The following COP1 variants were observed in gnomAD, a reference collection of about 807,000 sequenced individuals.
COP1 encodes the protein COP1 E3 ubiquitin ligase.
COP1 carries 24 observed loss-of-function variants against 101.3 expected under a neutral mutation model. The ratio of observed to expected loss-of-function variants is 0.24; its 90% CI spans 0.17 to 0.33. The LOEUF (loss-of-function observed/expected upper bound fraction) is 0.33, where lower values mean the gene tolerates loss of function less well. Ranked by LOEUF, COP1 falls within the 10% of genes least tolerant of loss-of-function variation. The probability of loss-of-function intolerance (pLI) is 1.00; values close to 1 mark genes in which losing one functional copy is unlikely to be tolerated. For missense variants in COP1, 663 were observed against 906.2 expected (o/e 0.73, Z 3.45); for synonymous variants, 347 against 341.9 (o/e 1.01, Z -0.17).
intron 8 of COP1, among the ~76,000 whole-genome samples, chr1:176,118,135 CT>C (rs1411298141): frequency 6.6e-6 from 1 of 152,142 alleles, no homozygotes; most frequent in Non-Finnish European, 1.5e-5. Flanking sequence ...AGTGATTAAT[CT>C]TATTTGAGCT....
At chr1:176,158,545 A>G (rs1237524691) in intron 5 of COP1, among the ~76,000 whole-genome samples, 1 of 152,052 alleles carries the variant, frequency 6.6e-6, no homozygotes, top group Admixed American at 6.6e-5. Context: ...TGTGGAATAT[A>G]TAACACATTT....
intron 8 of COP1, among the ~76,000 whole-genome samples, chr1:176,132,606 G>A (rs767295340): frequency 6.6e-4 from 78 of 119,072 alleles, no homozygotes; most frequent in Non-Finnish European, 1.2e-3. Context: ...ACATATGTAC[G>A]TATATATACT....
At chr1:176,152,362 G>T (rs1414389527) in intron 5 of COP1, among the ~76,000 whole-genome samples, 2 of 152,114 alleles carry the variant, frequency 1.3e-5, no homozygotes, top group Non-Finnish European at 2.9e-5. Flanking sequence ...CAGGGACTGG[G>T]AGTAATGGAA....
chr1:176,158,965 G>T (rs1432095641), intron 5 of COP1, among the ~76,000 whole-genome samples: 2 of 152,022 alleles, frequency 1.3e-5, no homozygotes, highest in Admixed American at 1.3e-4. Context: ...TACAGATGAA[G>T]TAGTATAATA....
At chr1:176,030,882 G>A (rs1014712557) in intron 14 of COP1, among the ~76,000 whole-genome samples, 6 of 152,086 alleles carry the variant, frequency 3.9e-5, no homozygotes, top group Admixed American at 6.6e-5. Context: ...TTAAAATTAC[G>A]TCAGACTAGA....
At chr1:176,078,273 T>C (rs2481651) in intron 11 of COP1, among the ~76,000 whole-genome samples, 114,514 of 152,070 alleles carry the variant, frequency 0.75, 44,970 homozygotes, top group East Asian at 0.92. Flanking sequence ...ACCAAAACAG[T>C]ATGGCACTGG....
chr1:176,027,596 A>T lies in COP1; in HGVS notation c.1705T>A (p.Tyr569Asn). ...CCTGCACAGCCGAAAGCCAAATGGT[A>T]TCTGGAAGAGGGGCTGAATTTAACA... ...CCVKFSPSSR[Y>N]HLAFGCADHC... Residue 569 changes from tyrosine to asparagine, a missense_variant, in exon 15 of 20, where the codon TAC becomes AAC. This residue lies in a region of COP1 where 209 missense variants were observed against 383.3 expected (regional missense o/e 0.55). Coordinates refer to ENST00000367669, the MANE Select transcript of COP1 (RefSeq NM_022457.7). 6.2e-7 allele frequency: 1 copy of T among 1,612,960 alleles called. No homozygotes were observed. Among genetic ancestry groups the T allele is most frequent in the Non-Finnish European group, 8.5e-7 (1 of 1,179,080 alleles).
At chr1:175,982,161 C>T (rs938292348) in intron 18 of COP1, among the ~76,000 whole-genome samples, 3 of 152,190 alleles carry the variant, frequency 2.0e-5, no homozygotes, top group African/African-American at 7.2e-5. Context: ...CTAGCAATTA[C>T]ACTTCTGAGC....
chr1:175,962,055 T>A (rs1651440144), intron 18 of COP1, among the ~76,000 whole-genome samples: 1 of 152,176 alleles, frequency 6.6e-6, no homozygotes, highest in African/African-American at 2.4e-5. Context: ...AATTTATCTG[T>A]GAATTTTATT....
intron 1 of COP1, among the ~76,000 whole-genome samples, chr1:176,199,126 G>A (rs1382633063): frequency 1.3e-5 from 2 of 152,070 alleles, no homozygotes; most frequent in Non-Finnish European, 2.9e-5. Flanking sequence ...GACCAACCCG[G>A]CCAACACAGT....
At chr1:176,123,922 C>A (rs1228878533) in intron 8 of COP1, among the ~76,000 whole-genome samples, 1 of 152,108 alleles carries the variant, frequency 6.6e-6, no homozygotes, top group Non-Finnish European at 1.5e-5. Flanking sequence ...TCCCAAACCC[C>A]AGGCCTGCAT....
At chr1:176,019,321 A>T (rs1313747021) in intron 15 of COP1, among the ~76,000 whole-genome samples, 2 of 147,696 alleles carry the variant, frequency 1.4e-5, no homozygotes, top group Non-Finnish European at 3.0e-5. Context: ...AAATTAGCTG[A>T]GCATGGTGGT....
At position 176,044,082 on chromosome 1, in the gene COP1, T is replaced by C. The variant is rs147224399; in HGVS notation, c.1422-264A>G. Among the ~76,000 whole-genome samples the C allele has an allele frequency of 9.8e-5, 15 of 152,318 alleles. No homozygotes were observed. In the East Asian group the frequency reaches 2.9e-3, roughly 29 times the overall value. Reference sequence around the variant, plus strand: ...ATGGATGTGAGCCTAGAGCTATCACTGGCCATCTTTGATACATGAGGAAAC... The same window carrying C: ...ATGGATGTGAGCCTAGAGCTATCACCGGCCATCTTTGATACATGAGGAAAC... On this transcript the variant is annotated intron_variant, in intron 12 of 19. Transcript: ENST00000367669.
intron 15 of COP1, among the ~76,000 whole-genome samples, chr1:176,000,531 A>G (rs943042123): frequency 1.4e-4 from 22 of 151,950 alleles, no homozygotes; most frequent in African/African-American, 5.3e-4. Context: ...GAAGTTTAAA[A>G]TTTTTTACCT....
intron 14 of COP1, among the ~76,000 whole-genome samples, chr1:176,031,887 T>C (rs983571524): frequency 6.6e-6 from 1 of 152,218 alleles, no homozygotes; most frequent in Non-Finnish European, 1.5e-5. Context: ...GAGTGAATCA[T>C]TCCCCAAAGT....
intron 11 of COP1, among the ~76,000 whole-genome samples, chr1:176,079,637 TA>T (rs200465038): frequency 1.3e-4 from 19 of 142,180 alleles, no homozygotes; most frequent in South Asian, 2.2e-4. Flanking sequence ...AATCTATAAT[TA>T]AAAAAAAAAG....
chr1:176,171,901 A>G (rs555832426), intron 3 of COP1, among the ~76,000 whole-genome samples: 259 of 152,364 alleles, frequency 1.7e-3, no homozygotes, highest in African/African-American at 6.1e-3. Context: ...TATTGAATAA[A>G]AAGCTTACTT....
At chr1:176,048,244 G>A (rs1399832457) in intron 11 of COP1, among the ~76,000 whole-genome samples, 4 of 142,680 alleles carry the variant, frequency 2.8e-5, no homozygotes, top group African/African-American at 1.0e-4. Context: ...TGTCGCCTGG[G>A]CTGGTCTTGA....
At chr1:176,097,957 T>C (rs779795902) in intron 9 of COP1, among the ~76,000 whole-genome samples, 2 of 151,914 alleles carry the variant, frequency 1.3e-5, no homozygotes, top group Non-Finnish European at 2.9e-5. Flanking sequence ...AAATAAAAGC[T>C]GTAGTGCCTT....
Sources: gnomAD v4.1 joint callset for allele counts (sites outside exome capture counted in the v4.1 genomes callset) on GRCh38, gnomAD v4.1.1 for gene constraint, gnomAD v4.1.1 regional missense constraint, MANE v1.5 for transcripts, NCBI Gene and HGNC (gene_info 2026-07-23, HGNC 2026-07-21) for gene names.